Variants in WASHC5 observed in about 807,000 individuals in gnomAD.
WASHC5 encodes WASH complex subunit strumpellin.
A neutral mutation model predicts 150.4 loss-of-function variants in WASHC5; 101 were observed. The observed-to-expected ratio is 0.67, with a 90% CI of 0.57 to 0.79. WASHC5 has a LOEUF of 0.79. WASHC5 is among the 30% of genes least tolerant of loss of function. The pLI, the probability that WASHC5 is intolerant of heterozygous loss-of-function variation, is 0.00. For missense variants in WASHC5, 1,195 were observed against 1,396.3 expected (o/e 0.86, Z 2.30); for synonymous variants, 467 against 491.2 (o/e 0.95, Z 0.65).
At chr8:125,037,927 G>A (rs988299280) in intron 25 of WASHC5, among the ~76,000 whole-genome samples, 4 of 152,152 alleles carry the variant, frequency 2.6e-5, no homozygotes, top group Non-Finnish European at 4.4e-5. Flanking sequence ...CCAGCTGGCC[G>A]ATTCCATAGG....
chr8:125,032,358 C>T lies in WASHC5; in HGVS notation c.3218G>A (p.Trp1073Ter). The stretch of plus-strand genomic sequence containing the variant: ...GAGCAGTCCCAGGACAAGTGGTGGC[C>T]AATCAACCGGGTCGGTCGGTTTTCG... Reference protein sequence around the residue: ...VCRKPTDPVDWPPLVLGLLTL... With the variant: ...VCRKPTDPVD Residue 1073 changes from tryptophan (W) to a stop codon, truncating the protein, a stop_gained, in exon 27 of 29, where the codon TGG (tryptophan) becomes TAG (stop). Coordinates refer to ENST00000318410, the MANE Select transcript of WASHC5 (RefSeq NM_014846.4). LOFTEE classifies it high-confidence loss of function. 2 of 1,614,174 alleles carry T rather than the reference C, an allele frequency of 1.2e-6. No homozygotes were observed. Among genetic ancestry groups the T allele is most frequent in the South Asian group, 1.1e-5 (1 of 91,088 alleles).
chr8:125,091,577 A>G (rs967247031), intron 1 of WASHC5, 38 bp downstream of exon 1: 3 of 152,376 alleles, frequency 2.0e-5, no homozygotes, highest in Non-Finnish European at 2.9e-5. Flanking sequence ...GAAGGGGGCC[A>G]TGCAAAAATG....
chr8:125,083,356 C>T, intron 2 of WASHC5, 98 bp from the exon 3 acceptor site: 1 of 1,108,142 alleles, frequency 9.0e-7, no homozygotes. Context: ...TGTTATTAGA[C>T]ATCCCAAACT....
rs1308645156 is a variant in WASHC5, at chr8:125,061,153, A to G, written c.1450T>C (p.Leu484=). 8.7e-6 allele frequency: 14 copies of G among 1,611,876 alleles called. No homozygotes were observed. The highest frequency in any genetic ancestry group is 2.7e-5 in the African/African-American group (2 of 74,866). Residue 484 remains leucine (L), a synonymous_variant, in exon 12 of 29, where the codon TTG becomes CTG. Coordinates refer to ENST00000318410, the MANE Select transcript of WASHC5 (RefSeq NM_014846.4). ...AWFREISKQI[L]SLNYDDSTAA... is the part of the protein sequence containing the mutation. ...GTAGAATCATCATAATTTAAAGACA[A>G]TATTTGTTTTGAGATCTCTCTGAAC... is the stretch of plus-strand genomic sequence containing the variant.
Position 125,039,392 on chromosome 8 carries a change from T to C in WASHC5, c.2954+403A>G, listed in dbSNP as rs150797328. On this transcript the variant is annotated intron_variant, in intron 24 of 28. Coordinates refer to ENST00000318410, the MANE Select transcript of WASHC5 (RefSeq NM_014846.4). Reference sequence around the variant, plus strand: ...AATCAACACACTTCCAACTGCCCTCTGGATGATGAGTGATCAGCCCTGTAA... The same window carrying C: ...AATCAACACACTTCCAACTGCCCTCCGGATGATGAGTGATCAGCCCTGTAA... Among the ~76,000 whole-genome samples the C allele has an allele frequency of 4.3e-3, 649 of 152,336 alleles. 1 individual carries two copies. The highest frequency in any genetic ancestry group is 6.8e-3 in the Middle Eastern group (2 of 294).
intron 1 of WASHC5, among the ~76,000 whole-genome samples, chr8:125,087,579 G>T (rs74843960): frequency 0.028 from 4,216 of 151,950 alleles, 91 homozygotes; most frequent in Middle Eastern, 0.037. Flanking sequence ...AAAATCAAAA[G>T]AATATCAGTC....
At chr8:125,073,381 T>C in intron 8 of WASHC5, 57 bp from the exon 9 acceptor site, 1 of 1,416,134 alleles carries the variant, frequency 7.1e-7, no homozygotes, top group South Asian at 1.2e-5. Flanking sequence ...TGAAAATAAA[T>C]CACATTCAAA....
intron 28 of WASHC5, among the ~76,000 whole-genome samples, chr8:125,027,318 T>C (rs1815402733): frequency 6.6e-6 from 1 of 152,228 alleles, no homozygotes; most frequent in Non-Finnish European, 1.5e-5. Context: ...TACCTGCACA[T>C]GCATGTTTAC....
chr8:125,032,299 C>G lies in WASHC5; in HGVS notation c.3277G>C (p.Glu1093Gln). Reference sequence around the variant, plus strand: ...TGGCCAATCAGCGCCAGGAACTGCTCGGTGTACCGGGAATGGAACTGCTTC... The same window carrying G: ...TGGCCAATCAGCGCCAGGAACTGCTGGGTGTACCGGGAATGGAACTGCTTC... ...LLKQFHSRYT[E>Q]QFLALIGQFI... Residue 1093 changes from glutamate to glutamine, a missense_variant, in exon 27 of 29, where the codon GAG becomes CAG. Transcript: ENST00000318410. 6.2e-7 allele frequency: 1 copy of G among 1,614,132 alleles called. No homozygotes were observed. Among genetic ancestry groups the G allele is most frequent in the East Asian group, 2.2e-5 (1 of 44,868 alleles).
At position 125,032,331 on chromosome 8, in the gene WASHC5, G is replaced by C; in HGVS notation, c.3245C>G (p.Thr1082Ser). The C allele has an allele frequency of 5.0e-6, 8 of 1,614,202 alleles. No individual in the cohort carries two copies. The highest frequency in any genetic ancestry group is 6.8e-6 in the Non-Finnish European group (8 of 1,180,026). Residue 1082 changes from threonine to serine, a missense_variant, in exon 27 of 29, where the codon ACT becomes AGT. By Grantham distance (58) the Thr-to-Ser change is moderately conservative. Transcript: ENST00000318410. ...DWPPLVLGLL[T>S]LLKQFHSRYT... ...CCGGGAATGGAACTGCTTCAGCAGA[G>C]TGAGCAGTCCCAGGACAAGTGGTGG...
At position 125,061,712 on chromosome 8, in the gene WASHC5, G is replaced by A. The variant is rs530021188; in HGVS notation, c.1409-518C>T. Among the ~76,000 whole-genome samples the A allele has an allele frequency of 5.3e-5, 8 of 152,310 alleles. 1 individual carries two copies. The South Asian group carries it at 1.7e-3, about 32-fold the overall frequency. On this transcript the variant is annotated intron_variant, in intron 11 of 28. Coordinates refer to ENST00000318410, the MANE Select transcript of WASHC5 (RefSeq NM_014846.4). ...GTCACAGGGATGTCTGAACAATGCAGGGGGTGCCATTTGCACTTAGGAACC... is the reference window on the plus strand; with the variant it reads ...GTCACAGGGATGTCTGAACAATGCAAGGGGTGCCATTTGCACTTAGGAACC...
intron 23 of WASHC5, among the ~76,000 whole-genome samples, chr8:125,040,356 AGTC>A (rs1815849756): frequency 6.6e-6 from 1 of 152,208 alleles, no homozygotes; most frequent in African/African-American, 2.4e-5. Context: ...GTGAATATTA[AGTC>A]TGTCCATGCC....
intron 1 of WASHC5, among the ~76,000 whole-genome samples, chr8:125,090,599 T>C (rs1417566410): frequency 6.6e-6 from 1 of 152,208 alleles, no homozygotes; most frequent in African/African-American, 2.4e-5. Flanking sequence ...GGAACTGTGA[T>C]TTTCAGTTTG....
intron 5 of WASHC5, among the ~76,000 whole-genome samples, chr8:125,080,892 G>A (rs900129925): frequency 1.3e-5 from 2 of 152,154 alleles, no homozygotes; most frequent in African/African-American, 4.8e-5. Context: ...GACTCTGAAT[G>A]ACAACTTTTC....
At chr8:125,049,311 C>A (rs1586351540) in intron 18 of WASHC5, 126 bp from the exon 19 acceptor site, 2 of 974,632 alleles carry the variant, frequency 2.1e-6, no homozygotes, top group East Asian at 2.6e-5. Flanking sequence ...GTAACCCCAG[C>A]ACTTTGGGAG....
At chr8:125,083,665 C>T (rs200250666) in intron 2 of WASHC5, 48 bp downstream of exon 2, 251 of 1,456,380 alleles carry the variant, frequency 1.7e-4, no homozygotes, top group South Asian at 2.9e-4. Flanking sequence ...AGAGAAAACA[C>T]GCTTTTGTAG....
chr8:125,059,678 T>G (rs949863649), intron 12 of WASHC5, 136 bp from the exon 13 acceptor site: 4 of 685,660 alleles, frequency 5.8e-6, no homozygotes, highest in African/African-American at 5.4e-5. Context: ...AATTATAAAT[T>G]TCAGAAACGT....
chr8:125,071,012 A>C (rs16900352), intron 9 of WASHC5, among the ~76,000 whole-genome samples: 4,001 of 152,318 alleles, frequency 0.026, 184 homozygotes, highest in African/African-American at 0.092. Context: ...GTTACAAAGG[A>C]AGGCTACAGA....
intron 11 of WASHC5, 138 bp downstream of exon 11, chr8:125,063,384 T>C (rs1338559574): frequency 1.0e-5 from 10 of 972,814 alleles, no homozygotes; most frequent in Non-Finnish European, 1.6e-5. Context: ...TTCAGATCTT[T>C]ATTAGCAACA....
Sources: gnomAD v4.1 joint callset for allele counts (sites outside exome capture counted in the v4.1 genomes callset) on GRCh38, gnomAD v4.1.1 for gene constraint, MANE v1.5 for transcripts, NCBI Gene and HGNC (gene_info 2026-07-23, HGNC 2026-07-21) for gene names.